Variants in BLMH observed in about 807,000 individuals in gnomAD.
The protein encoded by BLMH is BLM hydrolase.
In BLMH, 32 loss-of-function variants were observed where a neutral mutation model predicts 61.6. The ratio of observed to expected loss-of-function variants is 0.52; its 90% CI spans 0.39 to 0.70. The LOEUF (loss-of-function observed/expected upper bound fraction) is 0.70. Among genes scored for constraint, BLMH ranks in the 30% least tolerant of loss-of-function variants. The pLI, the probability that BLMH is intolerant of heterozygous loss-of-function variation, is 0.00. For synonymous variants in BLMH, 183 were observed against 193.8 expected, an observed-to-expected ratio of 0.94 and a Z score of 0.46; for missense variants, 460 against 555.5, an observed-to-expected ratio of 0.83 and a Z score of 1.73.
In BLMH at chr17:30,279,127, C is replaced by T. The variant is rs547326976; in HGVS notation, c.646-4930G>A. Among the ~76,000 whole-genome samples, 9 of 152,368 alleles carry T rather than the reference C, an allele frequency of 5.9e-5. No individual in the cohort carries two copies. In the East Asian group the frequency reaches 9.6e-4, roughly 16 times the overall value. On this transcript the variant is annotated intron_variant, in intron 6 of 11. Coordinates refer to ENST00000261714, the MANE Select transcript of BLMH (RefSeq NM_000386.4). ...GGCAACTGATTCTGCTTTTCCTCAA[C>T]TCCTCAAACGAATAATGATGTGATC... is the stretch of plus-strand genomic sequence containing the variant.
chr17:30,250,152 ACT>A (rs1203182081), intron 11 of BLMH: 3 of 152,144 alleles, frequency 2.0e-5, no homozygotes, highest in Non-Finnish European at 1.5e-5. Context: ...CATCGGAAAA[ACT>A]CTTCCAGACA....
intron 9 of BLMH, among the ~76,000 whole-genome samples, chr17:30,271,656 T>C (rs571472030): frequency 3.8e-4 from 58 of 152,270 alleles, no homozygotes; most frequent in African/African-American, 1.0e-3. Flanking sequence ...CAAGTTTACA[T>C]TGTCATTTAG....
chr17:30,280,832 G>A (rs1170439494), intron 6 of BLMH, among the ~76,000 whole-genome samples: 1 of 152,058 alleles, frequency 6.6e-6, no homozygotes, highest in African/African-American at 2.4e-5. Context: ...AAGGTAAAAC[G>A]ACCTATTGAT....
intron 11 of BLMH, among the ~76,000 whole-genome samples, chr17:30,252,533 CAAAA>C (rs34594289): frequency 1.5e-5 from 1 of 66,390 alleles, no homozygotes; most frequent in African/African-American, 5.1e-5. Flanking sequence ...CCCATCCTCA[CAAAA>C]AAAAAAAAAA....
At chr17:30,269,955 G>A (rs1908221488) in intron 10 of BLMH, among the ~76,000 whole-genome samples, 1 of 152,180 alleles carries the variant, frequency 6.6e-6, no homozygotes, top group South Asian at 2.1e-4. Context: ...TGAATACAGA[G>A]AGAGCACAGG....
intron 1 of BLMH, 116 bp from the exon 2 acceptor site, chr17:30,291,624 G>A: frequency 1.4e-6 from 2 of 1,440,480 alleles, no homozygotes; most frequent in African/African-American, 2.8e-5. Context: ...GCTGCAGCGG[G>A]GAAACCCATA....
chr17:30,268,832 T>C (rs1597661229), intron 10 of BLMH, among the ~76,000 whole-genome samples: 1 of 144,204 alleles, frequency 6.9e-6, no homozygotes, highest in Non-Finnish European at 1.5e-5. Context: ...AGGTCAGGAG[T>C]TCAAGACCAG....
At chr17:30,264,929 G>A (rs1263524111) in intron 11 of BLMH, among the ~76,000 whole-genome samples, 4 of 152,080 alleles carry the variant, frequency 2.6e-5, no homozygotes, top group Non-Finnish European at 5.9e-5. Context: ...TGCTAACTTT[G>A]CTGAGGTTTA....
chr17:30,278,254 T>TCAC (rs1210963132), intron 6 of BLMH, among the ~76,000 whole-genome samples: 1 of 152,172 alleles, frequency 6.6e-6, no homozygotes, highest in Non-Finnish European at 1.5e-5. Context: ...CACTGGAGTG[T>TCAC]CACCTGCTTC....
chr17:30,261,123 C>G (rs565723503), intron 11 of BLMH, among the ~76,000 whole-genome samples: 1 of 152,266 alleles, frequency 6.6e-6, no homozygotes, highest in South Asian at 2.1e-4. Context: ...TACTAGAGAT[C>G]CAGAACTGAA....
intron 11 of BLMH, among the ~76,000 whole-genome samples, chr17:30,255,728 T>C (rs577738635): frequency 7.9e-5 from 12 of 152,280 alleles, no homozygotes; most frequent in African/African-American, 2.9e-4. Context: ...AAAACCCATC[T>C]CTACTAAAAA....
chr17:30,269,850 T>G (rs1318018834), intron 10 of BLMH, among the ~76,000 whole-genome samples: 1 of 152,208 alleles, frequency 6.6e-6, no homozygotes, highest in South Asian at 2.1e-4. Context: ...CTGTGTTTGA[T>G]CTCATATAAA....
chr17:30,272,998 C>T, intron 7 of BLMH, 99 bp from the exon 8 acceptor site: 2 of 1,350,354 alleles, frequency 1.5e-6, no homozygotes, highest in Non-Finnish European at 2.0e-6. Flanking sequence ...AGCTCATCAT[C>T]TCTGCCTACA....
rs1039953500 is a variant in BLMH at position 30,248,688 on chromosome 17, G to A, written c.*329C>T. 5 of 258,094 alleles carry A rather than the reference G, an allele frequency of 1.9e-5. No homozygotes were observed. The highest frequency in any genetic ancestry group is 3.0e-5 in the Non-Finnish European group (4 of 134,270). 16.0% of individuals were successfully genotyped at this position (258,094 alleles called of 1,614,324 possible). Reference sequence around the variant, plus strand: ...ATACACCTCAATCGCTCGTCCTCTCGTCTTATTAAAACACAGACACAGAAC... The same window carrying A: ...ATACACCTCAATCGCTCGTCCTCTCATCTTATTAAAACACAGACACAGAAC... On this transcript the variant is annotated 3_prime_UTR_variant, in exon 12 of 12. Coordinates refer to ENST00000261714, the MANE Select transcript of BLMH (RefSeq NM_000386.4).
At chr17:30,256,798 C>T (rs1027245550) in intron 11 of BLMH, among the ~76,000 whole-genome samples, 2 of 151,752 alleles carry the variant, frequency 1.3e-5, no homozygotes, top group African/African-American at 2.4e-5. Flanking sequence ...TGAAAAACTC[C>T]ATTACTCACT....
At chr17:30,278,516 A>G (rs1050471057) in intron 6 of BLMH, among the ~76,000 whole-genome samples, 8 of 152,112 alleles carry the variant, frequency 5.3e-5, no homozygotes. Context: ...ATCTTCTGGC[A>G]TATTATACTT....
chr17:30,290,904 C>T (rs1469552221), intron 2 of BLMH: 1 of 169,274 alleles, frequency 5.9e-6, no homozygotes, highest in Non-Finnish European at 1.3e-5. Flanking sequence ...AATGTAATTA[C>T]ATTGTATCTT....
chr17:30,288,564 C>T (rs1418271602), intron 3 of BLMH, among the ~76,000 whole-genome samples: 1 of 152,114 alleles, frequency 6.6e-6, no homozygotes, highest in Non-Finnish European at 1.5e-5. Flanking sequence ...CCAGACTGGT[C>T]TCAAATTCCT....
intron 1 of BLMH, 30 bp downstream of exon 1, chr17:30,291,777 G>T (rs1158797671): frequency 2.1e-6 from 3 of 1,408,446 alleles, no homozygotes; most frequent in Non-Finnish European, 2.8e-6. Context: ...CTCCTCCAGA[G>T]GACCGCGGCG....
Sources: allele counts gnomAD v4.1 joint callset (sites outside exome capture counted in the v4.1 genomes callset), GRCh38; gene constraint gnomAD v4.1.1; transcripts MANE v1.5; gene names NCBI Gene and HGNC (gene_info 2026-07-23, HGNC 2026-07-21).